STAP1: variants seen among roughly 807,000 people sequenced by gnomAD.
STAP1 encodes signal transducing adaptor family member 1.
A neutral mutation model predicts 37.8 loss-of-function variants in STAP1; 30 were observed. The observed-to-expected ratio is 0.79, with a 90% CI of 0.59 to 1.08. The LOEUF (loss-of-function observed/expected upper bound fraction) is 1.08. Among genes scored for constraint, STAP1 ranks in the 50% least tolerant of loss-of-function variants. The pLI is 0.00. For missense variants in STAP1, 357 were observed against 349.4 expected, an observed-to-expected ratio of 1.02 and a Z score of -0.17; for synonymous variants, 130 against 116.0, an observed-to-expected ratio of 1.12 and a Z score of -0.78.
At chr4:67,559,263 C>T (rs1272564793) in intron 1 of STAP1, among the ~76,000 whole-genome samples, 1 of 152,026 alleles carries the variant, frequency 6.6e-6, no homozygotes, top group Non-Finnish European at 1.5e-5. Flanking sequence ...TGTATTTTCT[C>T]CACAATTTAT....
chr4:67,577,230 T>G lies in STAP1; in HGVS notation c.334T>G (p.Trp112Gly). The G allele has an allele frequency of 1.2e-6, 2 of 1,610,408 alleles. No individual in the cohort carries two copies. Among genetic ancestry groups the G allele is most frequent in the Non-Finnish European group, 1.7e-6 (2 of 1,178,344 alleles). The change falls in exon 4 of 9, where the codon TGG becomes GGG. Residue 112 changes from tryptophan (W) to glycine (G), a missense_variant. Trp to Gly is a radical substitution (Grantham distance 184). Transcript: ENST00000265404. ...AGAGAACACAGAAAGTGGGGAAGAA[T>G]GGAGAGGCTTCATTCTTACAGTAAC... is the stretch of plus-strand genomic sequence containing the variant. ...KTENTESGEE[W>G]RGFILTVTEL... is the part of the protein sequence containing the mutation.
chr4:67,581,760 A>G (rs1037081202), intron 5 of STAP1, among the ~76,000 whole-genome samples: 17 of 152,210 alleles, frequency 1.1e-4, no homozygotes, highest in African/African-American at 3.6e-4. Context: ...CCCATGAAGA[A>G]GGCAGGAAAA....
intron 8 of STAP1, among the ~76,000 whole-genome samples, chr4:67,603,799 G>C (rs1434819992): frequency 6.6e-6 from 1 of 151,894 alleles, no homozygotes; most frequent in African/African-American, 2.4e-5. Flanking sequence ...CAAGCAGAAA[G>C]GAGGAGTCTT....
chr4:67,568,493 T>C (rs1727523025), intron 1 of STAP1, among the ~76,000 whole-genome samples: 1 of 152,238 alleles, frequency 6.6e-6, no homozygotes, highest in Non-Finnish European at 1.5e-5. Flanking sequence ...TACTTGCCAT[T>C]CTTTTGTAAT....
intron 4 of STAP1, 127 bp downstream of exon 4, chr4:67,577,386 T>C (rs1014303621): frequency 4.6e-6 from 3 of 659,234 alleles, no homozygotes; most frequent in Non-Finnish European, 7.2e-6. Flanking sequence ...ACCTAAACTC[T>C]TGCACTTACT....
intron 8 of STAP1, among the ~76,000 whole-genome samples, chr4:67,605,666 T>A (rs961475155): frequency 6.6e-6 from 1 of 152,138 alleles, no homozygotes; most frequent in Non-Finnish European, 1.5e-5. Context: ...TACATGACAA[T>A]GAAAATAGGA....
In STAP1 at chr4:67,568,450, C is replaced by T. The variant is rs142597728; in HGVS notation, c.121-2634C>T. Among the ~76,000 whole-genome samples the T allele has an allele frequency of 2.6e-5, 4 of 152,150 alleles. No homozygotes were observed. In the East Asian group the frequency reaches 7.7e-4, roughly 29 times the overall value. ...GGAAAAGCTGCATATGAAAGTAAATCTTTAGATGTGAAAGGATTTTATTTT... is the reference window on the plus strand; with the variant it reads ...GGAAAAGCTGCATATGAAAGTAAATTTTTAGATGTGAAAGGATTTTATTTT... On this transcript the variant is annotated intron_variant, in intron 1 of 8. Coordinates refer to ENST00000265404, the MANE Select transcript of STAP1 (RefSeq NM_012108.4).
Position 67,606,999 on chromosome 4 carries a change from C to G in STAP1, c.*642C>G, listed in dbSNP as rs1477006251. 2 of 152,138 alleles carry G rather than the reference C, an allele frequency of 1.3e-5. No homozygotes were observed. The highest frequency in any genetic ancestry group is 2.9e-5 in the Non-Finnish European group (2 of 68,032). 9.4% of individuals were successfully genotyped at this position (152,138 alleles called of 1,614,324 possible). ...TCATCTTGTCGTAAGTACGATGAGC[C>G]TGATTATAAGTACCTGGAGTTCTTA... On this transcript the variant is annotated 3_prime_UTR_variant, in exon 9 of 9. Coordinates refer to ENST00000265404, the MANE Select transcript of STAP1 (RefSeq NM_012108.4).
intron 1 of STAP1, among the ~76,000 whole-genome samples, chr4:67,563,272 T>C (rs1055344773): frequency 6.6e-6 from 1 of 152,234 alleles, no homozygotes; most frequent in East Asian, 1.9e-4. Flanking sequence ...GTTGCTCCAA[T>C]GACTAAGTGG....
intron 3 of STAP1, 58 bp downstream of exon 3, chr4:67,575,556 C>A: frequency 1.7e-6 from 2 of 1,203,202 alleles, no homozygotes; most frequent in Non-Finnish European, 2.4e-6. Flanking sequence ...ACATTCTTCA[C>A]ATCCAGTGGC....
intron 6 of STAP1, among the ~76,000 whole-genome samples, chr4:67,586,035 C>T (rs1295846152): frequency 1.3e-5 from 2 of 152,218 alleles, no homozygotes; most frequent in African/African-American, 2.4e-5. Flanking sequence ...CACCAAAGAG[C>T]GTGATTTTTT....
intron 8 of STAP1, among the ~76,000 whole-genome samples, chr4:67,594,368 AAGG>A (rs1294485432): frequency 6.6e-6 from 1 of 152,198 alleles, no homozygotes; most frequent in Non-Finnish European, 1.5e-5. Context: ...TCAGGATCTG[AAGG>A]AACTTTAGAA....
At chr4:67,591,428 T>C (rs551027523) in intron 7 of STAP1, among the ~76,000 whole-genome samples, 1 of 152,324 alleles carries the variant, frequency 6.6e-6, no homozygotes, top group East Asian at 1.9e-4. Flanking sequence ...GCTAAGCACT[T>C]GACATATATC....
chr4:67,590,652 T>C (rs1728098561), intron 6 of STAP1, among the ~76,000 whole-genome samples: 1 of 151,530 alleles, frequency 6.6e-6, no homozygotes, highest in African/African-American at 2.4e-5. Context: ...ATTCACCCAC[T>C]CAATGACCCA....
rs573742243 is a variant in STAP1 at position 67,593,849 on chromosome 4, T to C, written c.826+493T>C. Among the ~76,000 whole-genome samples, 7 of 152,260 alleles carry C rather than the reference T, an allele frequency of 4.6e-5. No homozygotes were observed. The South Asian group carries it at 1.2e-3, about 27-fold the overall frequency. On this transcript the variant is annotated intron_variant, in intron 8 of 8. Coordinates refer to ENST00000265404, the MANE Select transcript of STAP1 (RefSeq NM_012108.4). Reference sequence around the variant, plus strand: ...TGAAGGCAGAAGTCAGATTGCAAAATAACAAGGAATGAGTGGGTGGTGAGG... The same window carrying C: ...TGAAGGCAGAAGTCAGATTGCAAAACAACAAGGAATGAGTGGGTGGTGAGG...
chr4:67,575,103 G>A (rs1727688813), intron 2 of STAP1, among the ~76,000 whole-genome samples: 1 of 152,006 alleles, frequency 6.6e-6, no homozygotes, highest in African/African-American at 2.4e-5. Context: ...TTTATTTACT[G>A]GTATGTTTAT....
intron 8 of STAP1, among the ~76,000 whole-genome samples, chr4:67,598,339 T>C (rs923147131): frequency 4.6e-5 from 7 of 152,186 alleles, no homozygotes; most frequent in Non-Finnish European, 1.0e-4. Context: ...ATTTTTCTTT[T>C]TTTAAGGAGC....
At chr4:67,566,604 A>G (rs1727476544) in intron 1 of STAP1, among the ~76,000 whole-genome samples, 1 of 152,134 alleles carries the variant, frequency 6.6e-6, no homozygotes, top group Non-Finnish European at 1.5e-5. Context: ...TGCCTCCCAA[A>G]CACACCTATT....
chr4:67,579,972 C>T (rs1384080899), intron 4 of STAP1, among the ~76,000 whole-genome samples: 4 of 151,972 alleles, frequency 2.6e-5, no homozygotes, highest in African/African-American at 7.3e-5. Context: ...TTTAAGCAAT[C>T]GTCCTGCCTC....
Sources: gnomAD v4.1 joint callset for allele counts (sites outside exome capture counted in the v4.1 genomes callset) on GRCh38, gnomAD v4.1.1 for gene constraint, MANE v1.5 for transcripts, NCBI Gene and HGNC (gene_info 2026-07-23, HGNC 2026-07-21) for gene names.